The following NEURL1 variants were observed in gnomAD, a reference collection of about 807,000 sequenced individuals.
NEURL1 encodes E3 ubiquitin-protein ligase NEURL1.
A neutral mutation model predicts 41.2 loss-of-function variants in NEURL1; 26 were observed. The ratio of observed to expected loss-of-function variants is 0.63; its 90% CI spans 0.46 to 0.87. NEURL1 has a LOEUF of 0.87. Among genes scored for constraint, NEURL1 ranks in the 40% least tolerant of loss-of-function variants. NEURL1 has a pLI of 0.00. For missense variants in NEURL1, 761 were observed against 871.1 expected, an observed-to-expected ratio of 0.87 and a Z score of 1.59; for synonymous variants, 400 against 402.3, an observed-to-expected ratio of 0.99 and a Z score of 0.07.
chr10:103,499,584 C>T (rs749465239), intron 1 of NEURL1, among the ~76,000 whole-genome samples: 1 of 152,004 alleles, frequency 6.6e-6, no homozygotes, highest in Non-Finnish European at 1.5e-5. Flanking sequence ...CCTGCCTCAG[C>T]CTCCCAAGTA....
chr10:103,551,965 T>C (rs780274786), intron 1 of NEURL1, among the ~76,000 whole-genome samples: 1 of 152,314 alleles, frequency 6.6e-6, no homozygotes, highest in South Asian at 2.1e-4. Context: ...CATCCCTGCT[T>C]GCTTACCACT....
chr10:103,506,252 G>T (rs2033943699), intron 1 of NEURL1, among the ~76,000 whole-genome samples: 1 of 152,198 alleles, frequency 6.6e-6, no homozygotes, highest in Non-Finnish European at 1.5e-5. Context: ...GTTCTCCAGG[G>T]CATGGGGCAG....
chr10:103,521,222 G>A (rs1473330962), intron 1 of NEURL1, among the ~76,000 whole-genome samples: 1 of 152,162 alleles, frequency 6.6e-6, no homozygotes, highest in Non-Finnish European at 1.5e-5. Flanking sequence ...CTGCTTGGGT[G>A]ATTTGACTAA....
At chr10:103,589,025 T>A (rs1163595539) in intron 4 of NEURL1, 3 of 395,768 alleles carry the variant, frequency 7.6e-6, no homozygotes, top group African/African-American at 7.2e-5. Context: ...CAGAACAAGG[T>A]GGGAAAAAGT....
intron 1 of NEURL1, among the ~76,000 whole-genome samples, chr10:103,533,076 A>G (rs957409971): frequency 2.7e-5 from 4 of 149,820 alleles, no homozygotes; most frequent in Admixed American, 1.3e-4. Flanking sequence ...ACAGGCACCC[A>G]CCACCATGCC....
chr10:103,511,395 CCCAGCAGGCCTCTGGAATTCT>C (rs2034069041), intron 1 of NEURL1, among the ~76,000 whole-genome samples: 3 of 152,178 alleles, frequency 2.0e-5, no homozygotes, highest in Admixed American at 2.0e-4. Flanking sequence ...GCTGGTGCAG[CCCAGCAGGCCTCTGGAATTCT>C]CCAGCAGCAT....
At chr10:103,541,563 G>C (rs750979007) in intron 1 of NEURL1, among the ~76,000 whole-genome samples, 34 of 152,194 alleles carry the variant, frequency 2.2e-4, no homozygotes, top group Non-Finnish European at 4.1e-4. Context: ...CACTAGCTGG[G>C]GTGAGCTGTG....
At chr10:103,574,071 T>G (rs1014148879) in intron 3 of NEURL1, among the ~76,000 whole-genome samples, 1 of 151,560 alleles carries the variant, frequency 6.6e-6, no homozygotes, top group Non-Finnish European at 1.5e-5. Flanking sequence ...GAGGAATATT[T>G]GCAGGGTAGG....
At chr10:103,560,559 G>A (rs1169153735) in intron 1 of NEURL1, among the ~76,000 whole-genome samples, 1 of 152,166 alleles carries the variant, frequency 6.6e-6, no homozygotes, top group Non-Finnish European at 1.5e-5. Flanking sequence ...GTCATGATGA[G>A]TTCATTCATC....
intron 1 of NEURL1, among the ~76,000 whole-genome samples, chr10:103,497,335 T>C (rs1360068953): frequency 1.3e-5 from 2 of 152,252 alleles, no homozygotes; most frequent in East Asian, 3.8e-4. Context: ...TCTGCTGGGA[T>C]GGCGTCTGTA....
intron 1 of NEURL1, among the ~76,000 whole-genome samples, chr10:103,516,890 TCTTC>T (rs1350370374): frequency 1.0e-4 from 14 of 138,740 alleles, no homozygotes; most frequent in East Asian, 7.5e-4. Context: ...TCCCTCCCTC[TCTTC>T]CTTCCTTCCT....
intron 4 of NEURL1, 85 bp downstream of exon 4, chr10:103,585,310 T>C: frequency 8.5e-7 from 1 of 1,178,882 alleles, no homozygotes; most frequent in Non-Finnish European, 1.1e-6. Context: ...GAGCTCCCCT[T>C]CCTCCAGGCT....
chr10:103,548,247 G>C (rs2034962427), intron 1 of NEURL1, among the ~76,000 whole-genome samples: 1 of 152,230 alleles, frequency 6.6e-6, no homozygotes, highest in South Asian at 2.1e-4. Context: ...GAATGTGCCT[G>C]ATGCAGAGTA....
chr10:103,562,390 A>G (rs1160944573), intron 1 of NEURL1, among the ~76,000 whole-genome samples: 1 of 152,170 alleles, frequency 6.6e-6, no homozygotes, highest in Non-Finnish European at 1.5e-5. Flanking sequence ...CTCAAAGCAA[A>G]CAAACAAACA....
intron 3 of NEURL1, 105 bp from the exon 4 acceptor site, chr10:103,584,431 G>T: frequency 8.3e-6 from 5 of 599,950 alleles, no homozygotes; most frequent in Middle Eastern, 5.3e-4. Flanking sequence ...TGCGCCATTA[G>T]CCATCCGGGA....
chr10:103,551,567 G>A lies in NEURL1; in HGVS notation c.86-19305G>A, dbSNP rs571034957. Among the ~76,000 whole-genome samples, 17 of 152,260 alleles carry A rather than the reference G, an allele frequency of 1.1e-4. No individual in the cohort carries two copies. The South Asian group carries it at 3.3e-3, about 30-fold the overall frequency. ...GATCCACCCGTCTCAGCCTCCCAAA[G>A]TGCTGGGATTACAGGTGTAAGCCAC... On this transcript the variant is annotated intron_variant, in intron 1 of 5. Transcript: ENST00000369780.
chr10:103,543,109 A>G (rs2034854521), intron 1 of NEURL1, among the ~76,000 whole-genome samples: 1 of 152,164 alleles, frequency 6.6e-6, no homozygotes, highest in Non-Finnish European at 1.5e-5. Flanking sequence ...TGCCGCTTTA[A>G]TCCGGGAGAA....
intron 1 of NEURL1, among the ~76,000 whole-genome samples, chr10:103,533,814 G>A (rs2034633183): frequency 6.6e-6 from 1 of 152,114 alleles, no homozygotes; most frequent in Non-Finnish European, 1.5e-5. Flanking sequence ...GGGATTACAG[G>A]CTTGAGCCAC....
Position 103,590,329 on chromosome 10 carries a change from G to A in NEURL1, c.1682G>A (p.Arg561His). The change falls in exon 6 of 6, where the codon CGC becomes CAC. Residue 561 changes from arginine (R) to histidine (H), a missense_variant. By Grantham distance (29) the Arg-to-His change is conservative. This residue lies in a region of NEURL1 where 45 missense variants were observed against 89.9 expected (regional missense o/e 0.50). Coordinates refer to ENST00000369780, the MANE Select transcript of NEURL1 (RefSeq NM_004210.5). ...KALHACCPICRRPIKDIIKTY... is the reference protein window; with the variant it reads ...KALHACCPICHRPIKDIIKTY... ...CTGCACGCCTGCTGCCCCATCTGCC[G>A]CCGCCCCATCAAGGACATCATCAAG... 1.9e-6 allele frequency: 3 copies of A among 1,614,046 alleles called. No individual in the cohort carries two copies. Among genetic ancestry groups the A allele is most frequent in the East Asian group, 2.2e-5 (1 of 44,874 alleles).
Sources: allele counts gnomAD v4.1 joint callset (sites outside exome capture counted in the v4.1 genomes callset), GRCh38; gene constraint gnomAD v4.1.1; regional missense constraint gnomAD v4.1.1; transcripts MANE v1.5; gene names NCBI Gene and HGNC (gene_info 2026-07-23, HGNC 2026-07-21).